The following GSTA5 variants were observed in gnomAD, a reference collection of about 807,000 sequenced individuals.
GSTA5 encodes the protein glutathione S-transferase A5.
In GSTA5, 25 loss-of-function variants were observed where a neutral mutation model predicts 21.8. The ratio of observed to expected loss-of-function variants is 1.14; its 90% CI spans 0.83 to 1.60. The LOEUF (loss-of-function observed/expected upper bound fraction) is 1.60. Ranked by LOEUF, GSTA5 falls within the 40% of genes most tolerant of loss-of-function variation. The pLI is 0.00. For missense variants in GSTA5, 330 were observed against 259.2 expected (o/e 1.27, Z -1.88); for synonymous variants, 102 against 89.5 (o/e 1.14, Z -0.78).
upstream of GSTA5, chr6:52,840,951 T>C: frequency 2.7e-6 from 2 of 734,754 alleles, no homozygotes; most frequent in East Asian, 5.6e-5. Flanking sequence ...TCTTCATGAC[T>C]GGGTTGAAGG....
intron 1 of GSTA5, among the ~76,000 whole-genome samples, chr6:52,838,264 A>C (rs6917193): frequency 1.8e-4 from 27 of 152,288 alleles, no homozygotes; most frequent in Non-Finnish European, 3.4e-4. Context: ...TGTGGGTTCA[A>C]TATCACCATT....
At chr6:52,834,520 A>T (rs1270051333) in intron 3 of GSTA5, among the ~76,000 whole-genome samples, 1 of 152,196 alleles carries the variant, frequency 6.6e-6, no homozygotes, top group African/African-American at 2.4e-5. Flanking sequence ...GATAGATCTC[A>T]AAATTTTGTT....
At chr6:52,844,588 G>A (rs753266021), upstream of GSTA5, among the ~76,000 whole-genome samples, 14 of 152,116 alleles carry the variant, frequency 9.2e-5, no homozygotes, top group African/African-American at 1.7e-4. Context: ...GTTTCTTATC[G>A]GAGAGAAGGG....
At chr6:52,834,996 C>G (rs745563108) in intron 3 of GSTA5, among the ~76,000 whole-genome samples, 6 of 152,174 alleles carry the variant, frequency 3.9e-5, no homozygotes, top group Non-Finnish European at 8.8e-5. Context: ...CTTTTTAAAA[C>G]AAGACCTTTA....
intron 5 of GSTA5, among the ~76,000 whole-genome samples, 168 bp downstream of exon 5, chr6:52,832,691 G>T (rs1278415713): frequency 6.6e-6 from 1 of 152,162 alleles, no homozygotes; most frequent in African/African-American, 2.4e-5. Flanking sequence ...CAGAACAAAA[G>T]TGTTTTCATT....
chr6:52,843,758 G>A (rs1299239185), upstream of GSTA5, among the ~76,000 whole-genome samples: 1 of 152,128 alleles, frequency 6.6e-6, no homozygotes, highest in African/African-American at 2.4e-5. Context: ...TGTGGGGCGC[G>A]GTTGTTTAAT....
At chr6:52,831,735 G>A in exon 6 of GSTA5, 1 of 1,246,496 alleles carries the variant, frequency 8.0e-7, no homozygotes, top group South Asian at 1.4e-5. Flanking sequence ...CATGTAATTG[G>A]AAAGAGTTTA....
the GSTA5 span, among the ~76,000 whole-genome samples, chr6:52,845,881 G>A: frequency 6.6e-6 from 1 of 152,068 alleles, no homozygotes; most frequent in South Asian, 2.1e-4. Context: ...CTGTAAAGAT[G>A]TATCCAACAG....
chr6:52,837,288 G>A (rs1205168599), intron 2 of GSTA5, among the ~76,000 whole-genome samples: 2 of 152,100 alleles, frequency 1.3e-5, no homozygotes, highest in East Asian at 1.9e-4. Flanking sequence ...CTCACTGACG[G>A]TCCCCCAAGC....
chr6:52,837,693 G>C, intron 1 of GSTA5, 84 bp from the exon 2 acceptor site: 1 of 939,324 alleles, frequency 1.1e-6, no homozygotes, highest in Admixed American at 2.1e-5. Flanking sequence ...TCTGGTGCAT[G>C]ATTTGGAGAA....
intron 1 of GSTA5, 120 bp downstream of exon 1, chr6:52,840,607 C>T (rs1764358786): frequency 6.6e-6 from 6 of 908,154 alleles, no homozygotes; most frequent in Non-Finnish European, 1.1e-5. Context: ...TTCTTAATTA[C>T]AGTCCATTTT....
At chr6:52,837,592 T>C (rs1277987928) in exon 2 of GSTA5, 2 of 1,608,512 alleles carry the variant, frequency 1.2e-6, no homozygotes, top group African/African-American at 1.3e-5. Context: ...CTGCAGATTC[T>C]AGAAATTTCT....
At chr6:52,836,407 TGAAACC>T in intron 2 of GSTA5, 39 bp from the exon 3 acceptor site, 1 of 1,600,024 alleles carries the variant, frequency 6.2e-7, no homozygotes, top group South Asian at 1.1e-5. Context: ...GAAGTGTCTA[TGAAACC>T]CACCCTTTTG....
In GSTA5 at chr6:52,836,388, A is replaced by G; in HGVS notation, c.140-20T>C. 1 of 1,612,126 alleles carries G rather than the reference A, an allele frequency of 6.2e-7. No individual in the cohort carries two copies. Among genetic ancestry groups the G allele is most frequent in the Non-Finnish European group, 8.5e-7 (1 of 1,179,042 alleles). ...TCCCATCTTAGAAAGAAGAAAAAAA[A>G]AGGAGTATGAAGTGTCTATGAAACC... is the stretch of plus-strand genomic sequence containing the variant. On this transcript the variant is annotated intron_variant, in intron 2 of 5. Transcript: ENST00000370989.
At chr6:52,838,837 A>G (rs978128343) in intron 1 of GSTA5, among the ~76,000 whole-genome samples, 2 of 152,238 alleles carry the variant, frequency 1.3e-5, no homozygotes, top group Admixed American at 1.3e-4. Flanking sequence ...TTAATCTGCA[A>G]AATGGGAATA....
At chr6:52,831,806 G>A in exon 6 of GSTA5, 5 of 1,610,590 alleles carry the variant, frequency 3.1e-6, no homozygotes, top group South Asian at 1.1e-5. Flanking sequence ...GCAAACTGTA[G>A]AATATTGGTC....
chr6:52,840,867 A>C (rs377002380), upstream of GSTA5: 72 of 1,476,346 alleles, frequency 4.9e-5, no homozygotes, highest in African/African-American at 8.1e-4. Flanking sequence ...TGAATAATTG[A>C]AACGATAGAA....
upstream of GSTA5, chr6:52,840,857 T>C (rs1167609045): frequency 1.3e-6 from 2 of 1,509,832 alleles, no homozygotes; most frequent in Non-Finnish European, 1.8e-6. Flanking sequence ...AATGAATGAA[T>C]GAATAATTGA....
intron 1 of GSTA5, among the ~76,000 whole-genome samples, chr6:52,837,979 G>T (rs1764316624): frequency 6.6e-6 from 1 of 152,220 alleles, no homozygotes; most frequent in Non-Finnish European, 1.5e-5. Context: ...CCACAACCTT[G>T]TGTGTCCCCA....
Sources: gnomAD v4.1 joint callset for allele counts (sites outside exome capture counted in the v4.1 genomes callset) on GRCh38, gnomAD v4.1.1 for gene constraint, MANE v1.5 for transcripts, NCBI Gene and HGNC (gene_info 2026-07-23, HGNC 2026-07-21) for gene names.